The following CATSPERD variants were observed in gnomAD, a reference collection of about 807,000 sequenced individuals.
The protein encoded by CATSPERD is catsper channel auxiliary subunit delta.
In CATSPERD, 86 loss-of-function variants were observed where a neutral mutation model predicts 98.1. The observed-to-expected ratio is 0.88, with a 90% CI of 0.74 to 1.05. The LOEUF (loss-of-function observed/expected upper bound fraction) is 1.05. CATSPERD is among the 50% of genes least tolerant of loss of function. The pLI is 0.00. For missense variants in CATSPERD, 995 were observed against 1,005.7 expected (o/e 0.99, Z 0.14); for synonymous variants, 394 against 390.2 (o/e 1.01, Z -0.12).
intron 20 of CATSPERD, among the ~76,000 whole-genome samples, chr19:5,774,686 C>T (rs1051360953): frequency 6.6e-6 from 1 of 150,990 alleles, no homozygotes; most frequent in African/African-American, 2.4e-5. Context: ...GAGGCTGTTT[C>T]TCAAAAAAGT....
chr19:5,766,040 G>A (rs1417423015), intron 16 of CATSPERD, 63 bp from the exon 17 acceptor site: 5 of 1,317,570 alleles, frequency 3.8e-6, no homozygotes, highest in Non-Finnish European at 5.4e-6. Flanking sequence ...CCTGTATAGG[G>A]TTCACTGTGT....
chr19:5,753,241 A>T (rs540375902), intron 12 of CATSPERD, among the ~76,000 whole-genome samples: 261 of 152,060 alleles, frequency 1.7e-3, no homozygotes, highest in Admixed American at 3.6e-3. Context: ...CTTCAGATGC[A>T]TACTAGGGCA....
intron 21 of CATSPERD, 26 bp from the exon 22 acceptor site, chr19:5,778,350 C>A (rs1252193752): frequency 1.3e-6 from 2 of 1,576,350 alleles, no homozygotes; most frequent in Non-Finnish European, 8.6e-7. Flanking sequence ...TGCCCAACAG[C>A]CTCTCCCCGC....
In CATSPERD at chr19:5,737,166, T is replaced by C; in HGVS notation, c.420T>C (p.Ser140=). 1.9e-6 allele frequency: 3 copies of C among 1,609,204 alleles called. No homozygotes were observed. Among genetic ancestry groups the C allele is most frequent in the South Asian group, 1.1e-5 (1 of 90,992 alleles). The change falls in exon 6 of 22, where the codon TCT becomes TCC. Residue 140 remains serine (S), a synonymous_variant. Coordinates refer to ENST00000381624, the MANE Select transcript of CATSPERD (RefSeq NM_152784.4). ...LGIKHPVTHV[S]GDNCCYTGSL... ...TAAAACACCCTGTTACACATGTCTCTGGTGATAATTGTTGTTATACTGGAA... is the reference window on the plus strand; with the variant it reads ...TAAAACACCCTGTTACACATGTCTCCGGTGATAATTGTTGTTATACTGGAA...
intron 9 of CATSPERD, 115 bp downstream of exon 9, chr19:5,746,178 T>C: frequency 9.0e-7 from 1 of 1,114,466 alleles, no homozygotes; most frequent in Non-Finnish European, 1.3e-6. Flanking sequence ...CGGTTATTTT[T>C]TCTCTTCCAT....
intron 1 of CATSPERD, among the ~76,000 whole-genome samples, chr19:5,722,959 C>A (rs996789271): frequency 1.3e-5 from 2 of 151,980 alleles, no homozygotes; most frequent in African/African-American, 2.4e-5. Context: ...GAGGTGGAGG[C>A]GGGCGGATCA....
At chr19:5,778,320 G>A in intron 21 of CATSPERD, 56 bp from the exon 22 acceptor site, 1 of 1,515,238 alleles carries the variant, frequency 6.6e-7, no homozygotes, top group Non-Finnish European at 9.0e-7. Flanking sequence ...CAGAGATAAG[G>A]CGAAGTCCCC....
intron 6 of CATSPERD, among the ~76,000 whole-genome samples, chr19:5,737,865 G>GA (rs1027166571): frequency 2.0e-5 from 3 of 148,336 alleles, no homozygotes; most frequent in Non-Finnish European, 4.5e-5. Context: ...AAAAAAAAAA[G>GA]AAAAAAGATA....
intron 17 of CATSPERD, among the ~76,000 whole-genome samples, chr19:5,767,303 C>T (rs1179072736): frequency 9.8e-5 from 9 of 91,808 alleles, no homozygotes; most frequent in South Asian, 9.3e-4. Context: ...GTTGACAGAG[C>T]GAGACTCTGT....
intron 4 of CATSPERD, among the ~76,000 whole-genome samples, chr19:5,730,933 G>A (rs567360079): frequency 1.9e-4 from 29 of 152,016 alleles, no homozygotes; most frequent in Middle Eastern, 6.8e-3. Flanking sequence ...CTTGGGAGGC[G>A]GAGCTTGCAG....
At chr19:5,771,136 G>C in intron 19 of CATSPERD, 64 bp downstream of exon 19, 3 of 1,552,852 alleles carry the variant, frequency 1.9e-6, no homozygotes, top group Non-Finnish European at 2.6e-6. Flanking sequence ...CCCTGGCCCT[G>C]GGGTACCAGC....
rs762359077 is a variant in CATSPERD at position 5,772,864 on chromosome 19, T to C, written c.1840T>C (p.Ser614Pro). Reference protein sequence around the residue: ...LLEVNGQFSYSYSLTAQSAMC... With the variant: ...LLEVNGQFSYPYSLTAQSAMC... The stretch of plus-strand genomic sequence containing the variant: ...GGAGGTGAACGGGCAGTTCTCATAC[T>C]CCTATTCCCTGACGGCCCAGTCGGC... Residue 614 changes from serine (S) to proline (P), a missense_variant, in exon 20 of 22, where the codon TCC becomes CCC. Ser to Pro is a moderately conservative substitution (Grantham distance 74). This residue lies in a region of CATSPERD where 762 missense variants were observed against 773.7 expected (regional missense o/e 0.98). Transcript: ENST00000381624. The C allele has an allele frequency of 1.2e-6, 2 of 1,614,018 alleles. No homozygotes were observed. Among genetic ancestry groups the C allele is most frequent in the Non-Finnish European group, 1.7e-6 (2 of 1,179,990 alleles).
intron 11 of CATSPERD, among the ~76,000 whole-genome samples, chr19:5,750,815 G>A (rs1568357621): frequency 6.6e-6 from 1 of 152,006 alleles, no homozygotes; most frequent in East Asian, 1.9e-4. Context: ...TTATGACTGT[G>A]TTTCCTCCCT....
chr19:5,768,840 T>G (rs1019380167), intron 18 of CATSPERD, among the ~76,000 whole-genome samples: 1 of 151,996 alleles, frequency 6.6e-6, no homozygotes, highest in African/African-American at 2.4e-5. Context: ...TTGTGCTGCT[T>G]TAAAAGACTA....
intron 7 of CATSPERD, among the ~76,000 whole-genome samples, chr19:5,743,657 TCTCTCTCTTCCTCTCTCTCTCTCTTC>T (rs1423729172): frequency 1.4e-5 from 2 of 145,902 alleles, no homozygotes; most frequent in African/African-American, 5.0e-5. Flanking sequence ...TGTCTCTCTC[TCTCTCTCTTCCTCTCTCTCTCTCTTC>T]CTCTCTCTCT....
At chr19:5,732,243 T>G (rs895593709) in intron 4 of CATSPERD, among the ~76,000 whole-genome samples, 4 of 151,970 alleles carry the variant, frequency 2.6e-5, no homozygotes, top group African/African-American at 9.7e-5. Context: ...AGTGCTAGGA[T>G]TACAGGCATG....
chr19:5,740,541 C>G (rs933143777), intron 7 of CATSPERD, among the ~76,000 whole-genome samples: 1 of 151,342 alleles, frequency 6.6e-6, no homozygotes, highest in South Asian at 2.1e-4. Flanking sequence ...GAGCCGAGAT[C>G]GCACCAGTGC....
rs35758861 is a variant in CATSPERD at position 5,767,316 on chromosome 19, CA to C, written c.1560-834del. Among the ~76,000 whole-genome samples, 146 of 78,550 alleles carry C rather than the reference CA, an allele frequency of 1.9e-3. 1 individual carries two copies. The Middle Eastern group carries it at 0.056, about 30-fold the overall frequency. 51.5% of individuals were successfully genotyped at this position (78,550 alleles called of 152,430 possible). On this transcript the variant is annotated intron_variant, in intron 17 of 21. Coordinates refer to ENST00000381624, the MANE Select transcript of CATSPERD (RefSeq NM_152784.4). ...TGGTTGACAGAGCGAGACTCTGTCT[CA>C]AAAAAAAAAAAAAAAAAGCCAGACC...
rs1156270373 is a variant in CATSPERD at position 5,775,648 on chromosome 19, CAAAAAAAA to C, written c.1942-501_1942-494del. On this transcript the variant is annotated intron_variant, in intron 20 of 21. Coordinates refer to ENST00000381624, the MANE Select transcript of CATSPERD (RefSeq NM_152784.4). ...TGGGCAACAGAGTGAAACCCCATCT[CAAAAAAAA>C]AAAAAAAAAAAGAAAGAAAAGAAAG... 6.5e-5 allele frequency among the ~76,000 whole-genome samples: 4 copies of C among 61,496 alleles called. No individual in the cohort carries two copies. The East Asian group carries it at 1.5e-3, about 23-fold the overall frequency. 40.3% of individuals were successfully genotyped at this position (61,496 alleles called of 152,430 possible).
Sources: gnomAD v4.1 joint callset for allele counts (sites outside exome capture counted in the v4.1 genomes callset) on GRCh38, gnomAD v4.1.1 for gene constraint, gnomAD v4.1.1 regional missense constraint, MANE v1.5 for transcripts, NCBI Gene and HGNC (gene_info 2026-07-23, HGNC 2026-07-21) for gene names.